Variants in PLXNA4 observed in about 807,000 individuals in gnomAD.
PLXNA4 encodes plexin-A4.
A neutral mutation model predicts 191.8 loss-of-function variants in PLXNA4; 44 were observed. The observed-to-expected ratio is 0.23, with a 90% CI of 0.18 to 0.29. The LOEUF (loss-of-function observed/expected upper bound fraction) is 0.29, where lower values mean the gene tolerates loss of function less well. Ranked by LOEUF, PLXNA4 falls within the 10% of genes least tolerant of loss-of-function variation. The pLI is 1.00. For missense variants in PLXNA4, 1,800 were observed against 2,488.8 expected (o/e 0.72, Z 5.89); for synonymous variants, 1,082 against 1,009.5 (o/e 1.07, Z -1.36).
chr7:132,143,287 T>C (rs1187447424), intron 29 of PLXNA4, among the ~76,000 whole-genome samples: 4 of 152,178 alleles, frequency 2.6e-5, no homozygotes, highest in Non-Finnish European at 5.9e-5. Flanking sequence ...TGGGGGAAAC[T>C]GTCTACTTTC....
chr7:132,297,067 T>G (rs574051245), intron 4 of PLXNA4, among the ~76,000 whole-genome samples: 1 of 152,108 alleles, frequency 6.6e-6, no homozygotes. Flanking sequence ...TGGCATAATG[T>G]GGAATTCATC....
intron 10 of PLXNA4, among the ~76,000 whole-genome samples, chr7:132,206,670 C>T (rs1797632116): frequency 6.6e-6 from 1 of 152,096 alleles, no homozygotes; most frequent in African/African-American, 2.4e-5. Flanking sequence ...TTCCTGGAGG[C>T]TCTCTCTCCT....
intron 3 of PLXNA4, among the ~76,000 whole-genome samples, chr7:132,470,005 T>G (rs537487265): frequency 7.2e-5 from 11 of 152,314 alleles, no homozygotes; most frequent in Admixed American, 6.5e-4. Flanking sequence ...ATCTTCTCAT[T>G]GGGTTCTAAT....
intron 2 of PLXNA4, among the ~76,000 whole-genome samples, chr7:132,584,790 C>A (rs529220084): frequency 2.0e-5 from 3 of 152,234 alleles, no homozygotes; most frequent in African/African-American, 7.2e-5. Context: ...TGACGTTTTA[C>A]CACGTGCAAG....
intron 2 of PLXNA4, among the ~76,000 whole-genome samples, chr7:132,603,432 A>C: frequency 6.6e-6 from 1 of 152,170 alleles, no homozygotes; most frequent in Non-Finnish European, 1.5e-5. Context: ...GATAATCCAG[A>C]CAGTGATTGT....
At chr7:132,245,911 G>A (rs1419372108) in intron 4 of PLXNA4, among the ~76,000 whole-genome samples, 1 of 152,174 alleles carries the variant, frequency 6.6e-6, no homozygotes, top group African/African-American at 2.4e-5. Context: ...AAAGTAGTAC[G>A]GTGGTTGCCA....
At chr7:132,310,346 T>C (rs901994788) in intron 3 of PLXNA4, among the ~76,000 whole-genome samples, 11 of 152,204 alleles carry the variant, frequency 7.2e-5, no homozygotes, top group African/African-American at 2.7e-4. Flanking sequence ...GAGGAGATAA[T>C]GTGATGCTGA....
intron 30 of PLXNA4, among the ~76,000 whole-genome samples, chr7:132,137,727 A>G (rs1795153754): frequency 1.3e-5 from 2 of 151,852 alleles, no homozygotes; most frequent in African/African-American, 4.8e-5. Flanking sequence ...GGGAGGGAGG[A>G]CAGGTAGGAG....
intron 2 of PLXNA4, among the ~76,000 whole-genome samples, chr7:132,639,782 A>C (rs2116889400): frequency 6.6e-6 from 1 of 152,360 alleles, no homozygotes; most frequent in African/African-American, 2.4e-5. Flanking sequence ...CCTGGCTTCT[A>C]CACTCAAATT....
At chr7:132,586,685 G>A (rs552911586) in intron 2 of PLXNA4, among the ~76,000 whole-genome samples, 4 of 152,152 alleles carry the variant, frequency 2.6e-5, no homozygotes, top group African/African-American at 4.8e-5. Context: ...CCTGGGAGGC[G>A]GAGGTTGCAG....
intron 2 of PLXNA4, among the ~76,000 whole-genome samples, chr7:132,594,746 C>A (rs993728570): frequency 2.6e-5 from 4 of 152,154 alleles, no homozygotes; most frequent in Admixed American, 2.6e-4. Flanking sequence ...CGTGGATAGG[C>A]TGATCCCTTG....
At chr7:132,597,690 G>A (rs1238850708) in intron 2 of PLXNA4, among the ~76,000 whole-genome samples, 1 of 151,954 alleles carries the variant, frequency 6.6e-6, no homozygotes, top group African/African-American at 2.4e-5. Flanking sequence ...AGGTTAATGA[G>A]GGTCTTTTGT....
At chr7:132,155,191 G>A (rs945957053) in intron 25 of PLXNA4, among the ~76,000 whole-genome samples, 3 of 152,188 alleles carry the variant, frequency 2.0e-5, no homozygotes, top group Admixed American at 1.3e-4. Flanking sequence ...TGGAGGTCAC[G>A]GACAGTGGCA....
intron 3 of PLXNA4, among the ~76,000 whole-genome samples, chr7:132,421,719 T>C (rs1794857743): frequency 1.3e-5 from 2 of 152,202 alleles, no homozygotes; most frequent in Non-Finnish European, 2.9e-5. Context: ...ATGGTAATTA[T>C]TATTATTATC....
Position 132,345,287 on chromosome 7 carries a change from G to A in PLXNA4, c.1372-47065C>T, listed in dbSNP as rs569113990. ...CTGTTAAATCGACACTCCAAAGATC[G>A]TCATTAATCTCAGTAAGTTATTAAC... On this transcript the variant is annotated intron_variant, in intron 3 of 31. Coordinates refer to ENST00000321063, the MANE Select transcript of PLXNA4 (RefSeq NM_020911.2). Among the ~76,000 whole-genome samples the A allele has an allele frequency of 1.1e-4, 17 of 152,268 alleles. 1 individual carries two copies. In the South Asian group the frequency reaches 2.5e-3, roughly 22 times the overall value.
chr7:132,562,537 CTTT>C (rs1801253278), intron 1 of PLXNA4, among the ~76,000 whole-genome samples: 2 of 123,168 alleles, frequency 1.6e-5, no homozygotes, highest in Admixed American at 7.7e-5. Flanking sequence ...TCCTTCTCCT[CTTT>C]CTCCTCCTCC....
At chr7:132,291,489 G>A (rs1417324898) in intron 4 of PLXNA4, among the ~76,000 whole-genome samples, 1 of 152,158 alleles carries the variant, frequency 6.6e-6, no homozygotes, top group Non-Finnish European at 1.5e-5. Context: ...GGAATTCCTG[G>A]TATCCTAGAA....
At chr7:132,563,809 C>T (rs1470997383) in intron 1 of PLXNA4, among the ~76,000 whole-genome samples, 1 of 84,980 alleles carries the variant, frequency 1.2e-5, no homozygotes, top group Non-Finnish European at 2.6e-5. Context: ...CCTCCTTCTC[C>T]TCCTCCTTCT....
At chr7:132,395,066 A>G (rs572451246) in intron 3 of PLXNA4, among the ~76,000 whole-genome samples, 1 of 152,342 alleles carries the variant, frequency 6.6e-6, no homozygotes, top group South Asian at 2.1e-4. Flanking sequence ...CTTACAGCAA[A>G]TGGGTAGCCA....
Sources: allele counts gnomAD v4.1 joint callset (sites outside exome capture counted in the v4.1 genomes callset), GRCh38; gene constraint gnomAD v4.1.1; transcripts MANE v1.5; gene names NCBI Gene and HGNC (gene_info 2026-07-23, HGNC 2026-07-21).